Variants in EPB42 observed in about 807,000 individuals in gnomAD.
EPB42 encodes erythrocyte membrane protein band 4.2, also known as protein 4.2.
Under a neutral mutation model 76.9 loss-of-function variants are expected in EPB42, and 49 were observed. The observed-to-expected ratio is 0.64, with a 90% CI of 0.51 to 0.81. The LOEUF (loss-of-function observed/expected upper bound fraction) is 0.81, where lower values mean the gene tolerates loss of function less well. Among genes scored for constraint, EPB42 ranks in the 30% least tolerant of loss-of-function variants. The pLI, the probability that EPB42 is intolerant of heterozygous loss-of-function variation, is 0.00. For missense variants in EPB42, 731 were observed against 867.6 expected, an observed-to-expected ratio of 0.84 and a Z score of 1.98; for synonymous variants, 310 against 338.4, an observed-to-expected ratio of 0.92 and a Z score of 0.92.
chr15:43,201,511 T>C (rs1288567576), intron 12 of EPB42, among the ~76,000 whole-genome samples: 1 of 152,198 alleles, frequency 6.6e-6, no homozygotes, highest in Non-Finnish European at 1.5e-5. Flanking sequence ...CAATGAAAGA[T>C]AGCCTGTCCT....
Position 43,200,960 on chromosome 15 carries a change from G to A in EPB42, c.1913+884C>T, listed in dbSNP as rs1019656849. Among the ~76,000 whole-genome samples, 21 of 152,204 alleles carry A rather than the reference G, an allele frequency of 1.4e-4. No homozygotes were observed. The Middle Eastern group carries it at 0.014, about 99-fold the overall frequency. On this transcript the variant is annotated intron_variant, in intron 12 of 12. Coordinates refer to ENST00000441366, the MANE Select transcript of EPB42 (RefSeq NM_001114134.2). ...CTCTCAAGTAGCTGAGACTACAGGC[G>A]TCTGCCACTGTGCCCGGCTAATTTT...
chr15:43,199,924 T>G (rs1054481073), intron 12 of EPB42, among the ~76,000 whole-genome samples: 1 of 152,232 alleles, frequency 6.6e-6, no homozygotes, highest in Non-Finnish European at 1.5e-5. Context: ...CCGCCATGAT[T>G]CTGAGGCCTC....
intron 4 of EPB42, 43 bp from the exon 5 acceptor site, chr15:43,210,482 A>G: frequency 2.5e-6 from 4 of 1,574,924 alleles, no homozygotes; most frequent in Non-Finnish European, 3.5e-6. Context: ...GTCCCCACAC[A>G]GGGCCATGAG....
chr15:43,203,282 C>T lies in EPB42; in HGVS notation c.1619-7G>A. ...CCGATGGTTATTATCTTTTCTGAAA[C>T]ACATGACAGGTGGAGTCAGTGGCAA... On this transcript the variant is annotated splice_region_variant and splice_polypyrimidine_tract_variant and intron_variant, in intron 10 of 12. Coordinates refer to ENST00000441366, the MANE Select transcript of EPB42 (RefSeq NM_001114134.2). 6.2e-7 allele frequency: 1 copy of T among 1,614,154 alleles called. No individual in the cohort carries two copies. The highest frequency in any genetic ancestry group is 1.1e-5 in the South Asian group (1 of 91,082).
intron 12 of EPB42, among the ~76,000 whole-genome samples, chr15:43,199,105 G>C (rs2042091032): frequency 6.6e-6 from 1 of 152,258 alleles, no homozygotes; most frequent in Non-Finnish European, 1.5e-5. Flanking sequence ...TATGGGGTCA[G>C]AGCCCCCACA....
intron 3 of EPB42, among the ~76,000 whole-genome samples, chr15:43,213,120 GTT>G (rs1567280521): frequency 6.6e-6 from 1 of 152,094 alleles, no homozygotes; most frequent in African/African-American, 2.4e-5. Flanking sequence ...AGGCATCACT[GTT>G]TTTTATTTTT....
rs376451325 is a variant in EPB42, at chr15:43,215,309, G to C, written c.216C>G (p.Ile72Met). 51 of 1,614,094 alleles carry C rather than the reference G, an allele frequency of 3.2e-5. No individual in the cohort carries two copies. Among genetic ancestry groups the C allele is most frequent in the Non-Finnish European group, 4.2e-5 (49 of 1,180,044 alleles). Residue 72 changes from isoleucine to methionine, a missense_variant, in exon 3 of 13, where the codon ATC becomes ATG. Transcript: ENST00000441366. The stretch of plus-strand genomic sequence containing the variant: ...TTGGGAATGTGGCTTGGGTCCTGTT[G>C]ATCTTGGAAGGCTGCTCTCCTGTAG... The part of the protein sequence containing the change: ...TAQTGEQPSK[I>M]NRTQATFPIS...
intron 1 of EPB42, among the ~76,000 whole-genome samples, chr15:43,220,328 C>G (rs931580600): frequency 5.3e-5 from 8 of 152,126 alleles, no homozygotes; most frequent in Admixed American, 4.6e-4. Flanking sequence ...GGTGGATTCC[C>G]TGACTCCCTC....
upstream of EPB42, among the ~76,000 whole-genome samples, chr15:43,224,963 G>A (rs2042494510): frequency 6.6e-6 from 1 of 152,188 alleles, no homozygotes; most frequent in Admixed American, 6.5e-5. Context: ...TTGTAGAGAT[G>A]GGGTCCCACT....
intron 12 of EPB42, among the ~76,000 whole-genome samples, chr15:43,201,457 T>C (rs1373603079): frequency 1.3e-5 from 2 of 152,128 alleles, no homozygotes; most frequent in Non-Finnish European, 2.9e-5. Flanking sequence ...TTAAACAAAA[T>C]TGTATATTGT....
intron 3 of EPB42, 27 bp from the exon 4 acceptor site, chr15:43,211,561 G>T: frequency 6.9e-7 from 1 of 1,458,378 alleles, no homozygotes; most frequent in Non-Finnish European, 9.6e-7. Flanking sequence ...AGGGATGAGG[G>T]CCTGTGGGGG....
chr15:43,203,392 A>G, intron 10 of EPB42, 117 bp from the exon 11 acceptor site: 1 of 1,310,366 alleles, frequency 7.6e-7, no homozygotes, highest in Admixed American at 2.0e-5. Flanking sequence ...AAGATGCACC[A>G]TTTTCCCCAG....
chr15:43,225,563 T>C (rs2042500606), upstream of EPB42, among the ~76,000 whole-genome samples: 1 of 152,168 alleles, frequency 6.6e-6, no homozygotes, highest in Admixed American at 6.5e-5. Context: ...TAGGAACTGT[T>C]AGGAACCGCG....
chr15:43,206,665 C>T lies in EPB42; in HGVS notation c.1319-36G>A, dbSNP rs1400715973. The T allele has an allele frequency of 9.3e-6, 15 of 1,612,072 alleles. No homozygotes were observed. The highest frequency in any genetic ancestry group is 1.7e-5 in the Admixed American group (1 of 59,990). ...GAAGAAACAAAGCTGACCTTTTACC[C>T]GGGTGGTATAAATGCTTCTAATAAA... On this transcript the variant is annotated intron_variant, in intron 9 of 12. Coordinates refer to ENST00000441366, the MANE Select transcript of EPB42 (RefSeq NM_001114134.2). The surrounding 1 kb of genome is among the most constrained non-coding windows in gnomAD (Gnocchi z 4.7).
chr15:43,212,059 A>C (rs1316122344), intron 3 of EPB42, among the ~76,000 whole-genome samples: 1 of 150,986 alleles, frequency 6.6e-6, no homozygotes, highest in East Asian at 1.9e-4. Flanking sequence ...AGAGTGAGAG[A>C]CTTTCTCTTA....
At position 43,209,301 on chromosome 15, in the gene EPB42, A is replaced by T; in HGVS notation, c.805T>A (p.Trp269Arg). The change falls in exon 6 of 13, where the codon TGG becomes AGG. Residue 269 changes from tryptophan to arginine, a missense_variant. Coordinates refer to ENST00000441366, the MANE Select transcript of EPB42 (RefSeq NM_001114134.2). ...GTGCAAGCAACAGCAGCCAACACCC[A>T]GGCCTGGCCATCATACACAGGTCGG... is the stretch of plus-strand genomic sequence containing the variant. ...RGRPVYDGQA[W>R]VLAAVACTVL... 1 of 1,614,192 alleles carries T rather than the reference A, an allele frequency of 6.2e-7. No homozygotes were observed. The highest frequency in any genetic ancestry group is 1.3e-5 in the African/African-American group (1 of 75,072).
At chr15:43,212,116 C>T (rs2042307872) in intron 3 of EPB42, among the ~76,000 whole-genome samples, 1 of 151,814 alleles carries the variant, frequency 6.6e-6, no homozygotes, top group South Asian at 2.1e-4. Context: ...GCCTGTAATC[C>T]CAGCACTTTG....
chr15:43,208,956 T>G (rs1176231560), intron 6 of EPB42, among the ~76,000 whole-genome samples, 181 bp from the exon 7 acceptor site: 3 of 152,074 alleles, frequency 2.0e-5, no homozygotes, highest in African/African-American at 7.2e-5. Flanking sequence ...AGGCACAGGT[T>G]CCACCGCATG....
chr15:43,212,008 A>C (rs1457538663), intron 3 of EPB42, among the ~76,000 whole-genome samples: 1 of 151,976 alleles, frequency 6.6e-6, no homozygotes, highest in African/African-American at 2.4e-5. Context: ...TTGAGGTTGC[A>C]ATGAGCTATG....
Sources: allele counts gnomAD v4.1 joint callset (sites outside exome capture counted in the v4.1 genomes callset), GRCh38; gene constraint gnomAD v4.1.1; non-coding constraint Gnocchi (gnomAD v3.1); transcripts MANE v1.5; gene names NCBI Gene and HGNC (gene_info 2026-07-23, HGNC 2026-07-21).